The following CCSER1 variants were observed in gnomAD, a reference collection of about 807,000 sequenced individuals.
CCSER1 encodes coiled-coil serine rich protein 1.
Under a neutral mutation model 82.0 loss-of-function variants are expected in CCSER1, and 41 were observed. The ratio of observed to expected loss-of-function variants is 0.50; its 90% CI spans 0.39 to 0.65. The LOEUF (loss-of-function observed/expected upper bound fraction) is 0.65. CCSER1 is among the 30% of genes least tolerant of loss of function. The probability of loss-of-function intolerance (pLI) is 0.00; values close to 1 mark genes in which losing one functional copy is unlikely to be tolerated. For synonymous variants in CCSER1, 414 were observed against 383.9 expected (o/e 1.08, Z -0.92); for missense variants, 1,119 against 1,064.2 (o/e 1.05, Z -0.72).
At chr4:91,099,930 T>C (rs886288484) in intron 10 of CCSER1, among the ~76,000 whole-genome samples, 2 of 152,136 alleles carry the variant, frequency 1.3e-5, no homozygotes, top group Non-Finnish European at 2.9e-5. Context: ...GAAAAAAAAC[T>C]AGCTATGTTA....
chr4:91,040,578 T>C (rs1741874539), intron 9 of CCSER1, among the ~76,000 whole-genome samples: 1 of 152,184 alleles, frequency 6.6e-6, no homozygotes, highest in Non-Finnish European at 1.5e-5. Flanking sequence ...TAGATAATGT[T>C]TGAGACATTT....
chr4:90,628,106 T>A lies in CCSER1; in HGVS notation c.1806T>A (p.Ser602=). 1 of 1,613,760 alleles carries A rather than the reference T, an allele frequency of 6.2e-7. No individual in the cohort carries two copies. Among genetic ancestry groups the A allele is most frequent in the Non-Finnish European group, 8.5e-7 (1 of 1,179,734 alleles). ...SHISRMPNSP[S]ADWPLQGVEE... ...TCAGCCGAATGCCCAACAGTCCATC[T>A]GCGGATTGGCCTCTACAAGGTGTGG... Residue 602 remains serine, a synonymous_variant, in exon 6 of 11, where the codon TCT becomes TCA. Coordinates refer to ENST00000509176, the MANE Select transcript of CCSER1 (RefSeq NM_001145065.2).
At chr4:91,463,593 C>G (rs1756649906) in intron 10 of CCSER1, among the ~76,000 whole-genome samples, 1 of 152,142 alleles carries the variant, frequency 6.6e-6, no homozygotes, top group African/African-American at 2.4e-5. Context: ...CGCAAAGAAG[C>G]TACAAACCTT....
At chr4:90,294,817 C>A (rs115017500) in intron 1 of CCSER1, among the ~76,000 whole-genome samples, 4,761 of 151,912 alleles carry the variant, frequency 0.031, 196 homozygotes, top group African/African-American at 0.095. Flanking sequence ...AGGGTAATCA[C>A]TGTTAATGCT....
intron 4 of CCSER1, among the ~76,000 whole-genome samples, chr4:90,463,083 AT>A (rs1413368813): frequency 5.3e-5 from 8 of 152,134 alleles, no homozygotes; most frequent in Admixed American, 2.0e-4. Context: ...GATATTGATA[AT>A]TTTGATGCAA....
At chr4:90,798,604 G>A (rs1187229590) in intron 7 of CCSER1, among the ~76,000 whole-genome samples, 1 of 152,090 alleles carries the variant, frequency 6.6e-6, no homozygotes, top group Non-Finnish European at 1.5e-5. Context: ...CATCTTTGTG[G>A]GCTTATCTAC....
intron 3 of CCSER1, among the ~76,000 whole-genome samples, chr4:90,373,283 G>A (rs6834337): frequency 3.3e-5 from 5 of 152,060 alleles, no homozygotes; most frequent in Admixed American, 1.3e-4. Context: ...TGGGCGTAAA[G>A]ACCCATAACC....
intron 10 of CCSER1, among the ~76,000 whole-genome samples, chr4:91,487,398 G>A (rs1758278962): frequency 6.6e-6 from 1 of 152,078 alleles, no homozygotes; most frequent in Admixed American, 6.6e-5. Context: ...TGTGGAGAAA[G>A]TTTTATGTGT....
chr4:91,161,645 A>G lies in CCSER1; in HGVS notation c.2217+75651A>G, dbSNP rs913165904. Reference sequence around the variant, plus strand: ...TCCCTTGTAAGTTGGATTCCTAGGTATTTTATTTTCTTTGTAGCAATTGTG... The same window carrying G: ...TCCCTTGTAAGTTGGATTCCTAGGTGTTTTATTTTCTTTGTAGCAATTGTG... On this transcript the variant is annotated intron_variant, in intron 10 of 10. Coordinates refer to ENST00000509176, the MANE Select transcript of CCSER1 (RefSeq NM_001145065.2). Among the ~76,000 whole-genome samples, 9 of 151,852 alleles carry G rather than the reference A, an allele frequency of 5.9e-5. No individual in the cohort carries two copies. The South Asian group carries it at 8.3e-4, about 14-fold the overall frequency.
At position 91,084,641 on chromosome 4, in the gene CCSER1, T is replaced by C. The variant is rs565223013; in HGVS notation, c.2173-1309T>C. Reference sequence around the variant, plus strand: ...TAAGAAATGTTCTAATTTTTTGTTTTATATTCTTTGTCACATATAATTTAG... The same window carrying C: ...TAAGAAATGTTCTAATTTTTTGTTTCATATTCTTTGTCACATATAATTTAG... On this transcript the variant is annotated intron_variant, in intron 9 of 10. Transcript: ENST00000509176. Among the ~76,000 whole-genome samples the C allele has an allele frequency of 6.6e-5, 10 of 152,300 alleles. No individual in the cohort carries two copies. The South Asian group carries it at 2.1e-3, about 32-fold the overall frequency.
chr4:90,617,592 A>G (rs1198014906), intron 5 of CCSER1, among the ~76,000 whole-genome samples: 2 of 152,196 alleles, frequency 1.3e-5, no homozygotes, highest in Admixed American at 1.3e-4. Flanking sequence ...AGTTAGGAAA[A>G]GATTCATCAA....
intron 5 of CCSER1, among the ~76,000 whole-genome samples, chr4:90,484,035 C>T (rs1304557766): frequency 6.6e-6 from 1 of 152,186 alleles, no homozygotes; most frequent in Non-Finnish European, 1.5e-5. Context: ...TTGGTCTTTT[C>T]ACATAGTCAC....
chr4:90,279,752 G>A (rs928630444), intron 1 of CCSER1, among the ~76,000 whole-genome samples: 4 of 152,042 alleles, frequency 2.6e-5, no homozygotes, highest in Non-Finnish European at 4.4e-5. Flanking sequence ...ATTGTAATCC[G>A]TATGCTGTTA....
intron 4 of CCSER1, among the ~76,000 whole-genome samples, chr4:90,431,748 C>T (rs1758300908): frequency 6.6e-6 from 1 of 152,056 alleles, no homozygotes; most frequent in Admixed American, 6.6e-5. Flanking sequence ...CAGCACTTAT[C>T]CTCTAGTTGA....
chr4:90,304,882 G>A (rs1733946565), intron 1 of CCSER1, among the ~76,000 whole-genome samples: 1 of 151,780 alleles, frequency 6.6e-6, no homozygotes, highest in South Asian at 2.1e-4. Context: ...AAAGAGTTAT[G>A]GGACTGACTC....
intron 3 of CCSER1, among the ~76,000 whole-genome samples, chr4:90,382,917 T>C (rs1369626290): frequency 6.6e-6 from 1 of 152,184 alleles, no homozygotes; most frequent in African/African-American, 2.4e-5. Flanking sequence ...CACCGTGTGT[T>C]ATTGCACAGT....
intron 3 of CCSER1, among the ~76,000 whole-genome samples, chr4:90,315,206 G>A (rs1316813364): frequency 6.6e-6 from 1 of 152,042 alleles, no homozygotes; most frequent in Non-Finnish European, 1.5e-5. Context: ...TTGTTCCTTT[G>A]AGGCCTTATA....
chr4:90,167,909 A>G, intron 1 of CCSER1, among the ~76,000 whole-genome samples: 1 of 152,066 alleles, frequency 6.6e-6, no homozygotes, highest in Admixed American at 6.6e-5. Flanking sequence ...AGTCTTTGCT[A>G]TTGTGAATGG....
intron 1 of CCSER1, among the ~76,000 whole-genome samples, chr4:90,169,101 C>A (rs1039051885): frequency 2.0e-5 from 3 of 151,928 alleles, no homozygotes; most frequent in Non-Finnish European, 4.4e-5. Flanking sequence ...ATTCTTCCTA[C>A]CCATGAGCAT....
Sources: allele counts gnomAD v4.1 joint callset (sites outside exome capture counted in the v4.1 genomes callset), GRCh38; gene constraint gnomAD v4.1.1; transcripts MANE v1.5; gene names NCBI Gene and HGNC (gene_info 2026-07-23, HGNC 2026-07-21).